The following CXADR variants were observed in gnomAD, a reference collection of about 807,000 sequenced individuals.
CXADR encodes the protein coxsackievirus and adenovirus receptor.
Under a neutral mutation model 40.3 loss-of-function variants are expected in CXADR, and 20 were observed. That is an observed-to-expected ratio of 0.50 (90% CI 0.35 to 0.72). The LOEUF (loss-of-function observed/expected upper bound fraction) is 0.72, where lower values mean the gene tolerates loss of function less well. Ranked by LOEUF, CXADR falls within the 30% of genes least tolerant of loss-of-function variation. CXADR has a pLI of 0.01. For synonymous variants in CXADR, 150 were observed against 161.3 expected (o/e 0.93, Z 0.53); for missense variants, 332 against 449.1 (o/e 0.74, Z 2.36).
At chr21:17,546,261 G>A (rs2060895496) in intron 1 of CXADR, among the ~76,000 whole-genome samples, 1 of 152,166 alleles carries the variant, frequency 6.6e-6, no homozygotes. Flanking sequence ...ATACCCTACC[G>A]ACAGTGACTT....
At chr21:17,577,238 A>G (rs1238842835) in intron 7 of CXADR, among the ~76,000 whole-genome samples, 2 of 152,198 alleles carry the variant, frequency 1.3e-5, no homozygotes, top group African/African-American at 4.8e-5. Context: ...CATCATCATC[A>G]AAACCTGTCT....
chr21:17,583,832 A>G (rs1253153803), intron 7 of CXADR, among the ~76,000 whole-genome samples: 1 of 152,192 alleles, frequency 6.6e-6, no homozygotes, highest in Non-Finnish European at 1.5e-5. Flanking sequence ...AGTTTACCAG[A>G]AAGACCTCAT....
chr21:17,615,780 G>A, the CXADR span, among the ~76,000 whole-genome samples: 1 of 152,150 alleles, frequency 6.6e-6, no homozygotes, highest in Non-Finnish European at 1.5e-5. Flanking sequence ...ACTCTAATAT[G>A]TCTAGGGCTT....
At chr21:17,541,227 G>A (rs2060823115) in intron 1 of CXADR, among the ~76,000 whole-genome samples, 1 of 152,074 alleles carries the variant, frequency 6.6e-6, no homozygotes, top group African/African-American at 2.4e-5. Flanking sequence ...CACCATTATA[G>A]TATTACACAG....
In CXADR at chr21:17,590,625, G is replaced by A. The variant is rs192338926; in HGVS notation, c.1018-2527G>A. Among the ~76,000 whole-genome samples the A allele has an allele frequency of 2.8e-3, 433 of 152,080 alleles. 8 individuals carry two copies. The highest frequency in any genetic ancestry group is 0.025 in the Admixed American group (386 of 15,250). On this transcript the variant is annotated intron_variant, in intron 7 of 7. Transcript: ENST00000400169. ...AATGCAGGGATATTGTTGTGTTTCC[G>A]TAAGAGCCTCACAATGTTATTGCTT...
Position 17,592,896 on chromosome 21 carries a change from A to G in CXADR, c.1018-256A>G, listed in dbSNP as rs549226533. ...ACTGACATTTTCATACTATTGAGCT[A>G]TACCTTTATGATTTGTGCAGTTTTG... On this transcript the variant is annotated intron_variant, in intron 7 of 7. Transcript: ENST00000400169. Among the ~76,000 whole-genome samples the G allele has an allele frequency of 2.0e-5, 3 of 151,940 alleles. No homozygotes were observed. In the South Asian group the frequency reaches 6.2e-4, roughly 31 times the overall value.
chr21:17,581,864 A>T (rs2061362540), intron 7 of CXADR, among the ~76,000 whole-genome samples: 1 of 139,176 alleles, frequency 7.2e-6, no homozygotes, highest in African/African-American at 2.7e-5. Context: ...AAAAAAAATT[A>T]TATTTTTGAG....
the CXADR span, chr21:17,612,496 C>A: frequency 6.6e-6 from 1 of 152,166 alleles, no homozygotes; most frequent in South Asian, 2.1e-4. Context: ...CGGAAAGCCT[C>A]GCGGGCCGCC....
rs1240705681 is a variant in CXADR, at chr21:17,565,594, A to C, written c.1000A>C (p.Thr334Pro). The change falls in exon 7 of 7, where the codon ACT (threonine) becomes CCT (proline). Residue 334 changes from threonine (T) to proline (P), a missense_variant. Thr to Pro is a conservative substitution (Grantham distance 38). Coordinates refer to ENST00000284878, the MANE Select transcript of CXADR (RefSeq NM_001338.5). Reference protein sequence around the residue: ...EDFERTPQSPTLPPAKVAAPN... With the variant: ...EDFERTPQSPPLPPAKVAAPN... ...CTTTGAACGCACTCCTCAGAGTCCG[A>C]CTCTCCCACCTGCTAAGGTAGCTGC... 6.2e-7 allele frequency: 1 copy of C among 1,612,974 alleles called. No homozygotes were observed. The highest frequency in any genetic ancestry group is 1.1e-5 in the South Asian group (1 of 91,034).
chr21:17,534,787 T>G (rs575304031), intron 1 of CXADR, among the ~76,000 whole-genome samples: 43 of 110,994 alleles, frequency 3.9e-4, no homozygotes, highest in Admixed American at 2.0e-3. Context: ...CTTATTTTCT[T>G]CCTTTTTTTT....
the CXADR span, among the ~76,000 whole-genome samples, chr21:17,622,407 G>A: frequency 6.6e-6 from 1 of 152,128 alleles, no homozygotes; most frequent in Non-Finnish European, 1.5e-5. Flanking sequence ...AATGGCAGCA[G>A]GTCAGGTTTT....
downstream of CXADR, among the ~76,000 whole-genome samples, chr21:17,574,799 G>A (rs113625442): frequency 3.0e-4 from 45 of 152,204 alleles, no homozygotes; most frequent in African/African-American, 1.1e-3. Context: ...AGTTTGAGAA[G>A]TTTGTTAGAT....
intron 1 of CXADR, chr21:17,527,330 A>G (rs2060609675): frequency 2.0e-5 from 3 of 152,288 alleles, no homozygotes; most frequent in African/African-American, 7.2e-5. Context: ...GGAGTGGGGA[A>G]GGGTTGAGTC....
rs1418972325 is a variant in CXADR at position 17,524,296 on chromosome 21, C to T, written c.43+11124C>T. On this transcript the variant is annotated intron_variant, in intron 1 of 6. Coordinates refer to ENST00000284878, the MANE Select transcript of CXADR (RefSeq NM_001338.5). The stretch of plus-strand genomic sequence containing the variant: ...TTACCCAGGGCCAGGCGTGGTGGCT[C>T]ATGCCTGTAATTCCAGCACTTGTGG... Among the ~76,000 whole-genome samples, 7 of 151,988 alleles carry T rather than the reference C, an allele frequency of 4.6e-5. No homozygotes were observed. The South Asian group carries it at 1.5e-3, about 32-fold the overall frequency.
intron 2 of CXADR, among the ~76,000 whole-genome samples, chr21:17,549,352 A>T (rs548492029): frequency 1.6e-4 from 24 of 152,310 alleles, no homozygotes; most frequent in Admixed American, 4.6e-4. Flanking sequence ...CCTCATGTGT[A>T]AAGTAGGAAC....
chr21:17,586,118 A>AT (rs1433025648), intron 7 of CXADR, among the ~76,000 whole-genome samples: 1 of 152,058 alleles, frequency 6.6e-6, no homozygotes, highest in African/African-American at 2.4e-5. Flanking sequence ...TCTGGTCTAA[A>AT]TATGGTCTCA....
At chr21:17,586,414 T>TAA (rs1555876221) in intron 7 of CXADR, among the ~76,000 whole-genome samples, 2 of 147,212 alleles carry the variant, frequency 1.4e-5, no homozygotes, top group Non-Finnish European at 3.0e-5. Flanking sequence ...TATATATATA[T>TAA]AATATATATT....
intron 7 of CXADR, among the ~76,000 whole-genome samples, chr21:17,586,221 G>A (rs1009549719): frequency 2.0e-5 from 3 of 151,792 alleles, no homozygotes; most frequent in Non-Finnish European, 4.4e-5. Flanking sequence ...CTTACTAAAT[G>A]ATTTACTTTA....
At chr21:17,624,039 C>T in the CXADR span, among the ~76,000 whole-genome samples, 1 of 152,126 alleles carries the variant, frequency 6.6e-6, no homozygotes, top group Non-Finnish European at 1.5e-5. Flanking sequence ...TCGTGTAAGG[C>T]TGATCGTGTC....
Sources: gnomAD v4.1 joint callset for allele counts (sites outside exome capture counted in the v4.1 genomes callset) on GRCh38, gnomAD v4.1.1 for gene constraint, MANE v1.5 for transcripts, NCBI Gene and HGNC (gene_info 2026-07-23, HGNC 2026-07-21) for gene names.